CCDC171: variants seen among roughly 807,000 people sequenced by gnomAD.
CCDC171 encodes coiled-coil domain-containing protein 171.
Under a neutral mutation model 168.2 loss-of-function variants are expected in CCDC171, and 177 were observed. The observed-to-expected ratio is 1.05, with a 90% CI of 0.93 to 1.19. The LOEUF (loss-of-function observed/expected upper bound fraction) is 1.19. Ranked by LOEUF, CCDC171 falls within the 50% of genes most tolerant of loss-of-function variation. The probability of loss-of-function intolerance (pLI) is 0.00; values close to 1 mark genes in which losing one functional copy is unlikely to be tolerated. For synonymous variants in CCDC171, 687 were observed against 540.8 expected (o/e 1.27, Z -3.75); for missense variants, 1,991 against 1,539.0 (o/e 1.29, Z -4.91).
intron 8 of CCDC171, among the ~76,000 whole-genome samples, chr9:15,664,131 T>C (rs916456747): frequency 6.6e-6 from 1 of 152,006 alleles, no homozygotes; most frequent in Admixed American, 6.6e-5. Flanking sequence ...GGAAATGGGG[T>C]TGAGGGATGA....
intron 25 of CCDC171, among the ~76,000 whole-genome samples, chr9:15,925,321 G>A (rs78596659): frequency 6.6e-6 from 1 of 151,502 alleles, no homozygotes; most frequent in Admixed American, 6.6e-5. Context: ...TGATGCAAAA[G>A]AACAGTGATC....
intron 23 of CCDC171, among the ~76,000 whole-genome samples, 196 bp from the exon 24 acceptor site, chr9:15,874,336 T>C (rs929241556): frequency 6.6e-6 from 1 of 152,094 alleles, no homozygotes; most frequent in Non-Finnish European, 1.5e-5. Context: ...GGATGCTTTT[T>C]CTTCTTAACA....
At chr9:15,935,396 G>C (rs1235876920) in intron 25 of CCDC171, among the ~76,000 whole-genome samples, 1 of 151,876 alleles carries the variant, frequency 6.6e-6, no homozygotes, top group Non-Finnish European at 1.5e-5. Context: ...TAAAATGAAG[G>C]GTTGCTATTT....
At chr9:15,585,679 G>A (rs1476171065) in intron 4 of CCDC171, among the ~76,000 whole-genome samples, 1 of 152,102 alleles carries the variant, frequency 6.6e-6, no homozygotes, top group Non-Finnish European at 1.5e-5. Context: ...TTACATGAAT[G>A]TATTTATTCA....
chr9:15,968,224 T>C (rs1830993990), intron 25 of CCDC171, among the ~76,000 whole-genome samples: 1 of 152,212 alleles, frequency 6.6e-6, no homozygotes, highest in Non-Finnish European at 1.5e-5. Flanking sequence ...GTAACTAATT[T>C]CCTTTTGAAA....
At chr9:16,024,471 G>C (rs896510916) in intron 6 of CCDC171, among the ~76,000 whole-genome samples, 1 of 152,150 alleles carries the variant, frequency 6.6e-6, no homozygotes, top group Non-Finnish European at 1.5e-5. Flanking sequence ...ATACGGAAAT[G>C]AATTATTGGT....
Position 15,987,499 on chromosome 9 carries a change from A to T in CCDC171, n.369-33090A>T, listed in dbSNP as rs574410626. 9.0e-4 allele frequency among the ~76,000 whole-genome samples: 137 copies of T among 152,360 alleles called. 2 individuals are homozygous for T. In the South Asian group the frequency reaches 0.027, roughly 30 times the overall value. On this transcript the variant is annotated intron_variant and non_coding_transcript_variant, in intron 3 of 9. Coordinates refer to the CCDC171 transcript ENST00000486641. The stretch of plus-strand genomic sequence containing the variant: ...ATGAAAAAGATAAACATTTTAATTT[A>T]AAAATGGACAGAGATTTGAAACATC...
At chr9:15,948,406 C>T (rs1254055064) in intron 25 of CCDC171, among the ~76,000 whole-genome samples, 1 of 137,728 alleles carries the variant, frequency 7.3e-6, no homozygotes. Flanking sequence ...ACCACACTGA[C>T]TTCCACAATG....
At chr9:15,792,547 G>A (rs996074769) in intron 21 of CCDC171, among the ~76,000 whole-genome samples, 2 of 152,092 alleles carry the variant, frequency 1.3e-5, no homozygotes, top group Non-Finnish European at 2.9e-5. Flanking sequence ...TGAAATGAAG[G>A]AAAAAATGTT....
chr9:15,778,452 A>C (rs1174918531), intron 19 of CCDC171, among the ~76,000 whole-genome samples: 1 of 150,606 alleles, frequency 6.6e-6, no homozygotes, highest in Non-Finnish European at 1.5e-5. Context: ...CAGCCTGGCC[A>C]ACATGGTGAA....
intron 8 of CCDC171, among the ~76,000 whole-genome samples, chr9:15,662,912 C>T (rs1035271695): frequency 1.3e-5 from 2 of 152,016 alleles, no homozygotes; most frequent in Non-Finnish European, 2.9e-5. Context: ...ATCCAGGGGG[C>T]GGAGGTTGCA....
chr9:15,801,942 C>T (rs1309499336), intron 21 of CCDC171, among the ~76,000 whole-genome samples: 4 of 152,002 alleles, frequency 2.6e-5, no homozygotes, highest in African/African-American at 9.7e-5. Flanking sequence ...ATATGTTGAA[C>T]CATCCTTGCA....
intron 8 of CCDC171, among the ~76,000 whole-genome samples, chr9:15,661,090 C>G (rs1321354743): frequency 6.6e-6 from 1 of 152,118 alleles, no homozygotes; most frequent in African/African-American, 2.4e-5. Flanking sequence ...ACCATCCTGG[C>G]TAACACGGGG....
Position 15,623,299 on chromosome 9 carries a change from G to C in CCDC171, c.708G>C (p.Lys236Asn). 1.9e-6 allele frequency: 3 copies of C among 1,598,066 alleles called. No individual in the cohort carries two copies. The highest frequency in any genetic ancestry group is 1.7e-6 in the Non-Finnish European group (2 of 1,171,358). ...ATACTGCTGTGCAAAATATGCATAAGAAAGTAGAAAAATTAGAAACAGAAC... is the reference window on the plus strand; with the variant it reads ...ATACTGCTGTGCAAAATATGCATAACAAAGTAGAAAAATTAGAAACAGAAC... The part of the protein sequence containing the change: ...EQDTAVQNMH[K>N]KVEKLETEHM... The change falls in exon 7 of 26, where the codon AAG (lysine) becomes AAC (asparagine). Residue 236 changes from lysine to asparagine, a missense_variant. By Grantham distance (94) the Lys-to-Asn change is moderately conservative. Transcript: ENST00000380701.
chr9:15,590,121 A>G (rs1187164543), intron 4 of CCDC171, among the ~76,000 whole-genome samples: 1 of 152,224 alleles, frequency 6.6e-6, no homozygotes, highest in Non-Finnish European at 1.5e-5. Flanking sequence ...AAGGATCAGG[A>G]GTCAAAATGG....
In CCDC171 at chr9:15,646,132, T is replaced by C. The variant is rs200234019; in HGVS notation, c.823-10995T>C. Among the ~76,000 whole-genome samples the C allele has an allele frequency of 1.5e-4, 23 of 152,272 alleles. 1 individual carries two copies. The South Asian group carries it at 4.1e-3, about 27-fold the overall frequency. ...AAAAGAATTTTCAACCCAGAATTTC[T>C]TATCCAGCCAAACTAAGCTTCATAA... is the stretch of plus-strand genomic sequence containing the variant. On this transcript the variant is annotated intron_variant, in intron 7 of 25. Transcript: ENST00000380701.
At chr9:15,796,270 AG>A (rs1229971488) in intron 21 of CCDC171, among the ~76,000 whole-genome samples, 1 of 152,200 alleles carries the variant, frequency 6.6e-6, no homozygotes, top group African/African-American at 2.4e-5. Context: ...AAGAAAGCTG[AG>A]GAAATAACAC....
downstream of CCDC171, among the ~76,000 whole-genome samples, chr9:15,977,192 G>GTTCCA (rs1831647742): frequency 1.3e-5 from 2 of 152,142 alleles, no homozygotes; most frequent in African/African-American, 4.8e-5. Flanking sequence ...TGTCCTGTTA[G>GTTCCA]TTCATATTAT....
chr9:15,685,105 T>G (rs1256185189), intron 10 of CCDC171, among the ~76,000 whole-genome samples: 1 of 152,248 alleles, frequency 6.6e-6, no homozygotes, highest in Non-Finnish European at 1.5e-5. Context: ...TGTTTAGAAT[T>G]ATAGCGTTTG....
Sources: gnomAD v4.1 joint callset for allele counts (sites outside exome capture counted in the v4.1 genomes callset) on GRCh38, gnomAD v4.1.1 for gene constraint, MANE v1.5 for transcripts, NCBI Gene and HGNC (gene_info 2026-07-23, HGNC 2026-07-21) for gene names.